Variants in PDXDC1 observed in about 807,000 individuals in gnomAD.
PDXDC1 encodes the protein pyridoxal-dependent decarboxylase domain-containing protein 1.
A neutral mutation model predicts 100.1 loss-of-function variants in PDXDC1; 42 were observed. The ratio of observed to expected loss-of-function variants is 0.42; its 90% CI spans 0.33 to 0.54. The LOEUF is 0.54. Ranked by LOEUF, PDXDC1 falls within the 20% of genes least tolerant of loss-of-function variation. The probability of loss-of-function intolerance (pLI) is 0.10; values close to 1 mark genes in which losing one functional copy is unlikely to be tolerated. For synonymous variants in PDXDC1, 260 were observed against 371.7 expected, an observed-to-expected ratio of 0.70 and a Z score of 3.46; for missense variants, 636 against 979.2, an observed-to-expected ratio of 0.65 and a Z score of 4.68.
intron 9 of PDXDC1, 53 bp from the exon 10 acceptor site, chr16:15,017,067 G>A: frequency 6.3e-7 from 1 of 1,585,536 alleles, no homozygotes; most frequent in Non-Finnish European, 8.6e-7. Flanking sequence ...TAAGTACATG[G>A]TGAGTAAGCA....
chr16:15,111,042 C>T (rs2047028923), intron 16 of PDXDC1, among the ~76,000 whole-genome samples: 1 of 148,246 alleles, frequency 6.7e-6, no homozygotes, highest in Non-Finnish European at 1.5e-5. Context: ...GGCAGAGAAC[C>T]GTTTGAAGCT....
Position 15,079,786 on chromosome 16 carries a change from G to A in PDXDC1, c.1399+49730G>A, listed in dbSNP as rs56141830. On this transcript the variant is annotated intron_variant, in intron 16 of 16. Coordinates refer to the PDXDC1 transcript ENST00000535621. ...TTTTTATTTGTATTTTTATAGAGAC[G>A]GGGTTTCGCCATGTTGGCCAGGCTG... 2.1e-3 allele frequency among the ~76,000 whole-genome samples: 313 copies of A among 152,116 alleles called. 1 individual carries two copies. Among genetic ancestry groups the A allele is most frequent in the African/African-American group, 6.9e-3 (286 of 41,488 alleles).
At chr16:15,131,868 T>TGGTGGAG (rs2048081256) in intron 16 of PDXDC1, among the ~76,000 whole-genome samples, 1 of 2,434 alleles carries the variant, frequency 4.1e-4, no homozygotes, top group Admixed American at 4.9e-3. Context: ...GGAGAGAGAG[T>TGGTGGAG]GGTGGAGGGG....
chr16:15,019,884 G>A (rs1171023739), intron 12 of PDXDC1, among the ~76,000 whole-genome samples: 6 of 152,260 alleles, frequency 3.9e-5, no homozygotes, highest in African/African-American at 9.6e-5. Flanking sequence ...AGGCTGAAGC[G>A]GGTGGATCAC....
intron 16 of PDXDC1, among the ~76,000 whole-genome samples, chr16:15,082,556 C>A (rs2045752115): frequency 6.6e-6 from 1 of 151,838 alleles, no homozygotes; most frequent in Non-Finnish European, 1.5e-5. Flanking sequence ...GTCTATAGTC[C>A]CACCTACTCG....
In PDXDC1 at chr16:14,990,025, C is replaced by T. The variant is rs1382135431; in HGVS notation, c.22-7728C>T. On this transcript the variant is annotated intron_variant, in intron 1 of 22. Coordinates refer to ENST00000396410, the MANE Select transcript of PDXDC1 (RefSeq NM_015027.4). ...CAGGACCAGGGAAGCAGGTGCAGGC[C>T]GCCCGCCGCCCGCTGCGCGCCGGAC... 5.7e-5 allele frequency: 84 copies of T among 1,473,916 alleles called. No individual in the cohort carries two copies. In the East Asian group the frequency reaches 1.0e-3, roughly 18 times the overall value. The allele number at this position is 1,473,916 out of a possible 1,614,324, so 91.3% of individuals were successfully genotyped here. A position where few individuals can be genotyped will look rare whatever the true frequency, so the allele number is the denominator to read the frequency against.
chr16:15,016,291 C>T (rs2041792040), intron 9 of PDXDC1, 78 bp downstream of exon 9: 6 of 1,560,430 alleles, frequency 3.8e-6, no homozygotes, highest in Admixed American at 2.1e-5. Context: ...CAGGCTCTCA[C>T]TTTGGTGACA....
intron 16 of PDXDC1, among the ~76,000 whole-genome samples, chr16:15,066,600 T>C (rs1278031713): frequency 2.0e-5 from 3 of 148,706 alleles, no homozygotes; most frequent in African/African-American, 5.0e-5. Context: ...GCCACTGTAC[T>C]CCAGCCTGGG....
At chr16:15,043,737 C>T (rs575965031) in intron 16 of PDXDC1, among the ~76,000 whole-genome samples, 30 of 152,258 alleles carry the variant, frequency 2.0e-4, no homozygotes, top group Non-Finnish European at 3.8e-4. Flanking sequence ...ATCACCAGGT[C>T]GGGAGTTCAC....
At chr16:15,021,573 A>C (rs2042211648) in intron 12 of PDXDC1, among the ~76,000 whole-genome samples, 1 of 152,272 alleles carries the variant, frequency 6.6e-6, no homozygotes, top group Non-Finnish European at 1.5e-5. Context: ...GTGGCTATGG[A>C]GTGCGGGAGA....
chr16:15,075,310 G>A (rs1035235814), intron 16 of PDXDC1, among the ~76,000 whole-genome samples: 6 of 149,864 alleles, frequency 4.0e-5, no homozygotes, highest in African/African-American at 7.4e-5. Context: ...AGTGGCTCAC[G>A]CCTATAATTA....
chr16:15,040,366 C>A (rs1365804958), downstream of PDXDC1: 18 of 345,016 alleles, frequency 5.2e-5, no homozygotes, highest in East Asian at 3.7e-4. Context: ...CTCTGGTCAT[C>A]CCTACTGGTG....
chr16:14,979,175 C>G (rs1271907803), intron 1 of PDXDC1, among the ~76,000 whole-genome samples: 1 of 152,284 alleles, frequency 6.6e-6, no homozygotes, highest in African/African-American at 2.4e-5. Flanking sequence ...GTCATGCTAG[C>G]CACATTTCAA....
chr16:15,041,239 G>T, downstream of PDXDC1: 1 of 725,350 alleles, frequency 1.4e-6, no homozygotes, highest in Non-Finnish European at 2.4e-6. Context: ...GAAAATTCCA[G>T]AAAATGAAAG....
chr16:15,039,990 C>T (rs188960151), downstream of PDXDC1: 21 of 1,605,800 alleles, frequency 1.3e-5, no homozygotes, highest in South Asian at 4.4e-5. Flanking sequence ...CTAAAGTTCG[C>T]GCAGCACGAA....
Position 14,989,390 on chromosome 16 carries a change from C to G in PDXDC1, c.22-8363C>G. 3 of 1,610,186 alleles carry G rather than the reference C, an allele frequency of 1.9e-6. No homozygotes were observed. In the South Asian group the frequency reaches 3.3e-5, roughly 18 times the overall value. ...CGGCCACCACCACCAGGTGCACCAA[C>G]CCAGTGGGCGTAGGCGGGGACCGGC... On this transcript the variant is annotated intron_variant, in intron 1 of 22. Transcript: ENST00000396410.
At chr16:15,133,714 G>A in intron 16 of PDXDC1, 3 of 1,604,508 alleles carry the variant, frequency 1.9e-6, no homozygotes, top group East Asian at 4.5e-5. Flanking sequence ...CTGAGGGACG[G>A]TCCCCATGGC....
At chr16:14,988,273 CT>C in intron 1 of PDXDC1, 2 of 1,613,794 alleles carry the variant, frequency 1.2e-6, no homozygotes, top group East Asian at 4.5e-5. Flanking sequence ...ACACTGGGAT[CT>C]TCCTTACTCC....
At chr16:15,021,098 TG>T (rs1425596250) in intron 12 of PDXDC1, among the ~76,000 whole-genome samples, 1 of 151,062 alleles carries the variant, frequency 6.6e-6, no homozygotes, top group Non-Finnish European at 1.5e-5. Flanking sequence ...TGCTCTGGGC[TG>T]GGTGCAGTGG....
Sources: gnomAD v4.1 joint callset for allele counts (sites outside exome capture counted in the v4.1 genomes callset) on GRCh38, gnomAD v4.1.1 for gene constraint, MANE v1.5 for transcripts, NCBI Gene and HGNC (gene_info 2026-07-23, HGNC 2026-07-21) for gene names.